GABRA3: variants seen among roughly 807,000 people sequenced by gnomAD.
GABRA3 encodes gamma-aminobutyric acid receptor subunit alpha-3.
GABRA3 carries 10 observed loss-of-function variants against 30.1 expected under a neutral mutation model. The ratio of observed to expected loss-of-function variants is 0.33; its 90% CI spans 0.20 to 0.56. GABRA3 has a LOEUF of 0.56. Among genes scored for constraint, GABRA3 ranks in the 20% least tolerant of loss-of-function variants. The probability of loss-of-function intolerance (pLI) is 0.89; values close to 1 mark genes in which losing one functional copy is unlikely to be tolerated. For synonymous variants in GABRA3, 151 were observed against 146.8 expected (o/e 1.03, Z -0.21); for missense variants, 233 against 392.0 (o/e 0.59, Z 3.42).
chrX:152,225,418 GCA>G (rs752056820), intron 5 of GABRA3, among the ~76,000 whole-genome samples: 10 of 56,037 alleles, frequency 1.8e-4, no homozygotes, highest in South Asian at 3.2e-3. Flanking sequence ...ACACACACAC[GCA>G]CACACACACA....
chrX:152,317,843 CT>C (rs766050218), intron 3 of GABRA3, among the ~76,000 whole-genome samples: 1 of 111,294 alleles, frequency 9.0e-6, no homozygotes, highest in Non-Finnish European at 1.9e-5. Flanking sequence ...AGTTCATAGC[CT>C]TAAATGCCTA....
At chrX:152,275,596 T>A (rs1164299354) in intron 4 of GABRA3, among the ~76,000 whole-genome samples, 1 of 105,876 alleles carries the variant, frequency 9.4e-6, no homozygotes, top group Non-Finnish European at 1.9e-5. Flanking sequence ...CTGTCTCTAC[T>A]AAAAATACAA....
chrX:152,432,652 T>A (rs983976998), intron 1 of GABRA3, among the ~76,000 whole-genome samples: 4 of 111,134 alleles, frequency 3.6e-5, no homozygotes, highest in African/African-American at 1.3e-4. Context: ...AAAAAAAGAA[T>A]GGGATCACAC....
intron 1 of GABRA3, among the ~76,000 whole-genome samples, chrX:152,414,591 C>CA (rs1362161500): frequency 9.0e-6 from 1 of 110,672 alleles, no homozygotes; most frequent in African/African-American, 3.3e-5. Context: ...GCTGGTAATG[C>CA]AAAATGATAC....
chrX:152,377,360 G>A (rs1012995731), intron 1 of GABRA3, among the ~76,000 whole-genome samples: 1 of 109,681 alleles, frequency 9.1e-6, no homozygotes, highest in Admixed American at 9.7e-5. Context: ...GAAAGAAATC[G>A]GGTGTTAATG....
At chrX:152,303,988 A>C (rs1440036466) in intron 3 of GABRA3, among the ~76,000 whole-genome samples, 1 of 112,145 alleles carries the variant, frequency 8.9e-6, no homozygotes, top group Admixed American at 9.4e-5. Flanking sequence ...ATATATTAAA[A>C]AATAGCCATT....
At chrX:152,265,007 ATTAGAG>A (rs776436504) in intron 4 of GABRA3, among the ~76,000 whole-genome samples, 1 of 111,837 alleles carries the variant, frequency 8.9e-6, no homozygotes, top group Admixed American at 9.5e-5. Flanking sequence ...AGCAAATATT[ATTAGAG>A]TTAAAGAGAG....
intron 3 of GABRA3, among the ~76,000 whole-genome samples, chrX:152,312,724 C>G (rs1939817049): frequency 1.8e-5 from 2 of 111,892 alleles, no homozygotes; most frequent in Non-Finnish European, 3.8e-5. Flanking sequence ...TAATCACAAA[C>G]TACACATCTG....
At chrX:152,399,753 A>C (rs1244684966) in intron 1 of GABRA3, among the ~76,000 whole-genome samples, 1 of 112,092 alleles carries the variant, frequency 8.9e-6, no homozygotes, top group Non-Finnish European at 1.9e-5. Flanking sequence ...TCAAGATTGG[A>C]AGTGAAATTG....
chrX:152,211,882 A>C (rs1207619380), intron 6 of GABRA3, among the ~76,000 whole-genome samples: 1 of 111,366 alleles, frequency 9.0e-6, no homozygotes, highest in Non-Finnish European at 1.9e-5. Flanking sequence ...TTCCTAGCAA[A>C]AGAACAACAT....
chrX:152,170,150 C>T (rs1936985459), intron 9 of GABRA3, among the ~76,000 whole-genome samples: 1 of 112,079 alleles, frequency 8.9e-6, no homozygotes, highest in African/African-American at 3.2e-5. Flanking sequence ...TGAACGTGAT[C>T]AGACTTCTCA....
In GABRA3 at chrX:152,450,310, A is replaced by T. The variant is rs1931190107; in HGVS notation, c.-27+836T>A. 2.7e-5 allele frequency among the ~76,000 whole-genome samples: 3 copies of T among 109,619 alleles called. No individual in the cohort carries two copies. In the Admixed American group the frequency reaches 3.0e-4, roughly 11 times the overall value. ...CAGAGGAGCAACAAACTGGGAGGCC[A>T]GTTGCAGACAAACCATCAGGTGTTT... On this transcript the variant is annotated intron_variant, in intron 1 of 9. Coordinates refer to ENST00000370314, the MANE Select transcript of GABRA3 (RefSeq NM_000808.4).
intron 1 of GABRA3, among the ~76,000 whole-genome samples, chrX:152,437,095 G>A (rs1010740311): frequency 9.0e-6 from 1 of 111,645 alleles, no homozygotes; most frequent in African/African-American, 3.2e-5. Flanking sequence ...AAAATGTTCA[G>A]TATCATTAGT....
chrX:152,449,611 C>A (rs1931172134), intron 1 of GABRA3, among the ~76,000 whole-genome samples: 1 of 111,011 alleles, frequency 9.0e-6, no homozygotes, highest in Non-Finnish European at 1.9e-5. Context: ...CGGCTCCAGG[C>A]TGAGTTGCTG....
intron 1 of GABRA3, among the ~76,000 whole-genome samples, chrX:152,397,879 C>T (rs185040561): frequency 9.0e-6 from 1 of 111,345 alleles, no homozygotes; most frequent in East Asian, 2.8e-4. Flanking sequence ...CAAGGTGAAG[C>T]ATGTAGTAGG....
intron 1 of GABRA3, among the ~76,000 whole-genome samples, chrX:152,397,089 G>A (rs1053610623): frequency 9.0e-6 from 1 of 111,490 alleles, no homozygotes; most frequent in Non-Finnish European, 1.9e-5. Context: ...TGAGCCAAAG[G>A]CCATGGTGCA....
At position 152,298,393 on chromosome X, in the gene GABRA3, G is replaced by A. The variant is rs771513964; in HGVS notation, c.263-13658C>T. Among the ~76,000 whole-genome samples the A allele has an allele frequency of 4.8e-3, 449 of 93,980 alleles. 1 individual carries two copies. Among genetic ancestry groups the A allele is most frequent in the Non-Finnish European group, 7.8e-3 (380 of 48,489 alleles). The allele number at this position is 93,980 out of a possible 115,157, so 81.6% of individuals were successfully genotyped here. A position where few individuals can be genotyped will look rare whatever the true frequency, so the allele number is the denominator to read the frequency against. On this transcript the variant is annotated intron_variant, in intron 3 of 9. Transcript: ENST00000370314. Reference sequence around the variant, plus strand: ...TCCCCCCTTCCCCCACCCCACAACAGGCCCCGGTGTGTGATGTTCCCCTTC... The same window carrying A: ...TCCCCCCTTCCCCCACCCCACAACAAGCCCCGGTGTGTGATGTTCCCCTTC...
intron 4 of GABRA3, among the ~76,000 whole-genome samples, chrX:152,271,564 G>C (rs146521424): frequency 6.8e-4 from 76 of 112,347 alleles, no homozygotes; most frequent in African/African-American, 2.4e-3. Flanking sequence ...AAATGTGATA[G>C]AAAAGAAAAA....
At chrX:152,174,220 T>C in intron 9 of GABRA3, among the ~76,000 whole-genome samples, 1 of 111,164 alleles carries the variant, frequency 9.0e-6, no homozygotes, top group African/African-American at 3.3e-5. Context: ...TTCCAAGTCT[T>C]TGCTATTGTG....
Sources: allele counts gnomAD v4.1 joint callset (sites outside exome capture counted in the v4.1 genomes callset), GRCh38; gene constraint gnomAD v4.1.1; transcripts MANE v1.5; gene names NCBI Gene and HGNC (gene_info 2026-07-23, HGNC 2026-07-21).